Variants in CELF2 observed in about 807,000 individuals in gnomAD.
CELF2 encodes CUGBP Elav-like family member 2.
CELF2 carries 8 observed loss-of-function variants against 62.6 expected under a neutral mutation model. That is an observed-to-expected ratio of 0.13 (90% CI 0.07 to 0.23). CELF2 has a LOEUF of 0.23. Among genes scored for constraint, CELF2 ranks in the 10% least tolerant of loss-of-function variants. The pLI is 1.00. For synonymous variants in CELF2, 258 were observed against 250.0 expected, an observed-to-expected ratio of 1.03 and a Z score of -0.30; for missense variants, 333 against 671.0, an observed-to-expected ratio of 0.50 and a Z score of 5.56.
chr10:10,583,595 C>T, the CELF2 span, among the ~76,000 whole-genome samples: 15 of 152,242 alleles, frequency 9.9e-5, no homozygotes, highest in South Asian at 1.2e-3. Flanking sequence ...ACCAGGTTGC[C>T]GGGGCAGGAC....
chr10:10,635,749 G>T, the CELF2 span, among the ~76,000 whole-genome samples: 1 of 152,160 alleles, frequency 6.6e-6, no homozygotes, highest in Non-Finnish European at 1.5e-5. Context: ...TGTGAGGGAA[G>T]TGATCCTCCA....
At chr10:10,529,728 A>G in the CELF2 span, among the ~76,000 whole-genome samples, 2 of 151,114 alleles carry the variant, frequency 1.3e-5, no homozygotes, top group African/African-American at 2.4e-5. Flanking sequence ...GTGTGAAGCA[A>G]TCTTAAAGAT....
the CELF2 span, among the ~76,000 whole-genome samples, chr10:10,656,072 A>G: frequency 6.7e-6 from 1 of 150,168 alleles, no homozygotes; most frequent in African/African-American, 2.5e-5. Flanking sequence ...ACATGAACAG[A>G]CACTTCTCAA....
At chr10:10,564,697 C>T in the CELF2 span, among the ~76,000 whole-genome samples, 1 of 151,278 alleles carries the variant, frequency 6.6e-6, no homozygotes. Context: ...CACACACACA[C>T]ACACACACAC....
At chr10:10,988,790 G>C (rs1478875512) in intron 2 of CELF2, among the ~76,000 whole-genome samples, 1 of 152,164 alleles carries the variant, frequency 6.6e-6, no homozygotes, top group East Asian at 1.9e-4. Context: ...AGTTGGGTAA[G>C]AGATGAGCAA....
chr10:10,535,952 G>T, the CELF2 span, among the ~76,000 whole-genome samples: 1 of 151,970 alleles, frequency 6.6e-6, no homozygotes, highest in African/African-American at 2.4e-5. Context: ...ATGGGACTGG[G>T]CTGTAACTAG....
chr10:10,880,814 A>G (rs977086021), intron 1 of CELF2, among the ~76,000 whole-genome samples: 4 of 152,114 alleles, frequency 2.6e-5, no homozygotes, highest in African/African-American at 9.7e-5. Context: ...TGTACATTCT[A>G]TGTTTGTGCC....
At chr10:11,301,122 G>A (rs1402246358) in intron 9 of CELF2, among the ~76,000 whole-genome samples, 11 of 152,138 alleles carry the variant, frequency 7.2e-5, no homozygotes, top group Admixed American at 5.2e-4. Flanking sequence ...GGGCGAAGGG[G>A]AAAATTCATA....
chr10:10,574,393 T>C, the CELF2 span, among the ~76,000 whole-genome samples: 1 of 152,090 alleles, frequency 6.6e-6, no homozygotes, highest in Non-Finnish European at 1.5e-5. Flanking sequence ...CAGGAAGAGA[T>C]AATTGCCTAC....
intron 1 of CELF2, among the ~76,000 whole-genome samples, chr10:11,138,297 C>T (rs552349859): frequency 1.3e-5 from 2 of 152,254 alleles, no homozygotes; most frequent in African/African-American, 4.8e-5. Context: ...AACTGAGACA[C>T]GTAAATGGAA....
chr10:10,924,786 T>C (rs1359357912), intron 2 of CELF2, among the ~76,000 whole-genome samples: 3 of 133,464 alleles, frequency 2.2e-5, no homozygotes, highest in Non-Finnish European at 3.1e-5. Context: ...ATCTAAGCAA[T>C]TGGGGAACCC....
At chr10:10,893,286 G>A (rs1037775943) in intron 1 of CELF2, among the ~76,000 whole-genome samples, 4 of 152,206 alleles carry the variant, frequency 2.6e-5, no homozygotes, top group African/African-American at 9.6e-5. Flanking sequence ...ATTACACATA[G>A]AGAAAGAGCT....
At chr10:10,580,754 TGTCTCCTGAGAATCAGAGAAAAGGGAA>T in the CELF2 span, among the ~76,000 whole-genome samples, 2 of 152,364 alleles carry the variant, frequency 1.3e-5, no homozygotes, top group East Asian at 3.9e-4. Flanking sequence ...TTGGCAGTTC[TGTCTCCTGAGAATCAGAGAAAAGGGAA>T]TCAAAGTGGC....
rs1207487064 is a variant in CELF2, at chr10:11,039,071, G to T, written c.74+20908G>T. ...GTATCCTGGACAAGTGTGCACACGC[G>T]CTTGCATCCACACCACTCTCATGGC... is the stretch of plus-strand genomic sequence containing the variant. On this transcript the variant is annotated intron_variant, in intron 1 of 12. Transcript: ENST00000633077. This position sits in a 1 kb window ranked among gnomAD's most constrained non-coding sequence, Gnocchi z 4.1. Among the ~76,000 whole-genome samples the T allele has an allele frequency of 5.9e-5, 9 of 152,138 alleles. No individual in the cohort carries two copies. The highest frequency in any genetic ancestry group is 1.2e-4 in the Non-Finnish European group (8 of 68,034).
intron 1 of CELF2, among the ~76,000 whole-genome samples, chr10:10,855,030 G>C (rs1055035091): frequency 1.3e-5 from 2 of 152,102 alleles, no homozygotes; most frequent in Admixed American, 6.5e-5. Context: ...TCACCTGCTG[G>C]GGAACTTCAT....
chr10:11,188,107 GAT>G (rs1364584600), intron 2 of CELF2, among the ~76,000 whole-genome samples: 1 of 152,018 alleles, frequency 6.6e-6, no homozygotes, highest in East Asian at 1.9e-4. Flanking sequence ...TCTAGATCTA[GAT>G]ATATATATTT....
intron 2 of CELF2, among the ~76,000 whole-genome samples, chr10:10,939,389 G>A (rs942767044): frequency 8.6e-5 from 13 of 152,032 alleles, no homozygotes; most frequent in African/African-American, 3.1e-4. Context: ...GGGTTCGAGC[G>A]ATTCTCTTGC....
chr10:10,872,442 T>C (rs1156436380), intron 1 of CELF2, among the ~76,000 whole-genome samples: 17 of 152,210 alleles, frequency 1.1e-4, no homozygotes, highest in Non-Finnish European at 1.5e-5. Context: ...ATGGATTTTT[T>C]TAAGTACAAT....
chr10:11,080,423 G>T (rs192973964), intron 1 of CELF2, among the ~76,000 whole-genome samples: 17 of 152,266 alleles, frequency 1.1e-4, no homozygotes, highest in Middle Eastern at 3.4e-3. Flanking sequence ...GTGGGATGTG[G>T]CTATTACTAG....
Sources: gnomAD v4.1 joint callset for allele counts (sites outside exome capture counted in the v4.1 genomes callset) on GRCh38, gnomAD v4.1.1 for gene constraint, Gnocchi (gnomAD v3.1) non-coding constraint, MANE v1.5 for transcripts, NCBI Gene and HGNC (gene_info 2026-07-23, HGNC 2026-07-21) for gene names.